Variants in CYB5R2 observed in about 807,000 individuals in gnomAD.
CYB5R2 encodes the protein cytochrome b5 reductase 2.
A neutral mutation model predicts 29.8 loss-of-function variants in CYB5R2; 35 were observed. The ratio of observed to expected loss-of-function variants is 1.17; its 90% CI spans 0.90 to 1.56. The LOEUF (loss-of-function observed/expected upper bound fraction) is 1.56, where lower values mean the gene tolerates loss of function less well. Among genes scored for constraint, CYB5R2 ranks in the 40% most tolerant of loss-of-function variants. The pLI is 0.00. For missense variants in CYB5R2, 419 were observed against 346.7 expected (o/e 1.21, Z -1.66); for synonymous variants, 169 against 130.6 (o/e 1.29, Z -2.01).
upstream of CYB5R2, chr11:7,673,552 C>T (rs894652749): frequency 1.3e-5 from 13 of 985,180 alleles, no homozygotes; most frequent in East Asian, 1.1e-4. Flanking sequence ...TTCGCGGTCC[C>T]GCCCACGACC....
chr11:7,670,712 T>C (rs113868354), intron 3 of CYB5R2: 7 of 152,220 alleles, frequency 4.6e-5, no homozygotes, highest in African/African-American at 1.4e-4. Context: ...CACTGTCAGA[T>C]GACACACTGG....
Position 7,672,930 on chromosome 11 carries a change from C to G in CYB5R2, c.-66-39G>C, listed in dbSNP as rs552870896. On this transcript the variant is annotated intron_variant, in intron 1 of 8. Coordinates refer to ENST00000299498, the MANE Select transcript of CYB5R2 (RefSeq NM_016229.5). Reference sequence around the variant, plus strand: ...TGTGAACAGAGCACCTCAGGTCTTGCCCGCCCTGGACAGGGCAGCTCTCAG... The same window carrying G: ...TGTGAACAGAGCACCTCAGGTCTTGGCCGCCCTGGACAGGGCAGCTCTCAG... The G allele has an allele frequency of 7.6e-6, 12 of 1,579,770 alleles. No homozygotes were observed. In the South Asian group the frequency reaches 1.4e-4, roughly 18 times the overall value.
At position 7,665,516 on chromosome 11, in the gene CYB5R2, G is replaced by T. The variant is rs370147641; in HGVS notation, c.689C>A (p.Ala230Asp). The change falls in exon 9 of 9, where the codon GCC (alanine) becomes GAC (aspartate). Residue 230 changes from alanine (A) to aspartate (D), a missense_variant. By Grantham distance (126) the Ala-to-Asp change is moderately radical (BLOSUM62 -2). Transcript: ENST00000299498. ...GWKYSSGFVTADMIKEHLPPP... is the reference protein window; with the variant it reads ...GWKYSSGFVTDDMIKEHLPPP... Reference sequence around the variant, plus strand: ...AGGAAGGTGCTCCTTGATCATGTCGGCAGTAACGAAGCCTGAGCTGTACTT... The same window carrying T: ...AGGAAGGTGCTCCTTGATCATGTCGTCAGTAACGAAGCCTGAGCTGTACTT... 4 of 1,612,342 alleles carry T rather than the reference G, an allele frequency of 2.5e-6. No homozygotes were observed.
At chr11:7,672,958 G>C in intron 1 of CYB5R2, 67 bp from the exon 2 acceptor site, 1 of 1,464,464 alleles carries the variant, frequency 6.8e-7, no homozygotes, top group Non-Finnish European at 9.3e-7. Flanking sequence ...GCTCTCAGGC[G>C]CAGAACACCC....
chr11:7,665,936 G>A (rs1274753802), intron 8 of CYB5R2: 1 of 1,535,722 alleles, frequency 6.5e-7, no homozygotes, highest in East Asian at 2.4e-5. Flanking sequence ...TGCCGACCAG[G>A]GACCTGTATG....
At chr11:7,670,149 G>A (rs960949592) in intron 3 of CYB5R2, 4 of 182,548 alleles carry the variant, frequency 2.2e-5, no homozygotes, top group African/African-American at 4.8e-5. Context: ...TCAGGAGTTC[G>A]AGACCAGCCT....
chr11:7,672,282 T>C (rs1437966274), intron 3 of CYB5R2, 169 bp downstream of exon 3: 1 of 593,676 alleles, frequency 1.7e-6, no homozygotes, highest in African/African-American at 1.9e-5. Context: ...GAAAAGAAAT[T>C]TTCTGTCCCA....
At position 7,669,625 on chromosome 11, in the gene CYB5R2, C is replaced by T. The variant is rs1337054008; in HGVS notation, c.258G>A (p.Lys86=). 1.3e-6 allele frequency: 2 copies of T among 1,592,342 alleles called. No individual in the cohort carries two copies. The highest frequency in any genetic ancestry group is 2.2e-5 in the East Asian group (1 of 44,804). ...GCCAGATATGGTGGGCACTATTTAC[C>T]TTTATAATTAGGTCCACAAAGCCTC... is the stretch of plus-strand genomic sequence containing the variant. ...DDRGFVDLII[K]IYFKNVHPQY... The change falls in exon 4 of 9, where the codon AAG becomes AAA. Residue 86 remains lysine, a splice_region_variant and synonymous_variant. Transcript: ENST00000299498.
chr11:7,672,224 A>G (rs76900209), intron 3 of CYB5R2: 16,418 of 521,044 alleles, frequency 0.032, 1,176 homozygotes, highest in African/African-American at 0.2. Context: ...GTTCTTTTCA[A>G]TGCTCACTGA....
At chr11:7,668,968 G>A (rs1304138605) in intron 5 of CYB5R2, 2 of 665,218 alleles carry the variant, frequency 3.0e-6, no homozygotes. Flanking sequence ...TTGTGCTGGA[G>A]ATTTTGATAC....
rs781177307 is a variant in CYB5R2, at chr11:7,669,375, A to G, written c.259-41T>C. 5 of 1,581,650 alleles carry G rather than the reference A, an allele frequency of 3.2e-6. No homozygotes were observed. In the African/African-American group the frequency reaches 4.1e-5, roughly 13 times the overall value. ...GCACTGCTTTCACATTCCCAGACACAATGCCACAGCCACGTACAACTAGAA... is the reference window on the plus strand; with the variant it reads ...GCACTGCTTTCACATTCCCAGACACGATGCCACAGCCACGTACAACTAGAA... On this transcript the variant is annotated intron_variant, in intron 4 of 8. Coordinates refer to ENST00000299498, the MANE Select transcript of CYB5R2 (RefSeq NM_016229.5).
rs1590855537 is a variant in CYB5R2 at position 7,665,367 on chromosome 11, G to A, written c.*7C>T. ...GGACATGCAAAATTGCTGAGCACGT[G>A]GAGGTGTTAGTAGGTGAAAATCATG... On this transcript the variant is annotated 3_prime_UTR_variant, in exon 9 of 9. Coordinates refer to ENST00000299498, the MANE Select transcript of CYB5R2 (RefSeq NM_016229.5). 3 of 1,508,348 alleles carry A rather than the reference G, an allele frequency of 2.0e-6. No homozygotes were observed. The highest frequency in any genetic ancestry group is 4.8e-5 in the East Asian group (2 of 41,740). The allele number at this position is 1,508,348 out of a possible 1,614,324, so 93.4% of individuals were successfully genotyped here.
rs189488466 is a variant in CYB5R2 at position 7,666,082 on chromosome 11, G to A, written c.658+369C>T. ...TGTCCAGGTGAGGTGGGCGGTAAGG[G>A]GTGTGGTGGCCGTAAGCAGAAGGGT... On this transcript the variant is annotated intron_variant, in intron 8 of 8. Transcript: ENST00000299498. 1.0e-3 allele frequency: 684 copies of A among 653,360 alleles called. 3 individuals are homozygous for A. In the African/African-American group the frequency reaches 0.011, roughly 11 times the overall value. 40.5% of individuals were successfully genotyped at this position (653,360 alleles called of 1,614,324 possible).
chr11:7,665,864 C>A, intron 8 of CYB5R2: 1 of 1,535,982 alleles, frequency 6.5e-7, no homozygotes. Context: ...TGGAGTTGTC[C>A]GGCAGGGTGT....
upstream of CYB5R2, chr11:7,674,196 A>G (rs1273470537): frequency 3.2e-6 from 4 of 1,263,202 alleles, no homozygotes; most frequent in East Asian, 2.3e-4. Context: ...GCAGCTGCAA[A>G]GAGCGCGCGA....
In CYB5R2 at chr11:7,665,448, G is replaced by C. The variant is rs373511090; in HGVS notation, c.757C>G (p.Pro253Ala). 32 of 1,613,604 alleles carry C rather than the reference G, an allele frequency of 2.0e-5. 1 individual carries two copies. In the South Asian group the frequency reaches 2.7e-4, roughly 14 times the overall value. ...GGGTGAGCCGCCGTCTGGATTAGTGGTGGCGGGCCACACACCAGGATGAGC... is the reference window on the plus strand; with the variant it reads ...GGGTGAGCCGCCGTCTGGATTAGTGCTGGCGGGCCACACACCAGGATGAGC... The part of the protein sequence containing the change: ...STLILVCGPP[P>A]LIQTAAHPNL... Residue 253 changes from proline (P) to alanine (A), a missense_variant, in exon 9 of 9, where the codon CCA (proline) becomes GCA (alanine). Transcript: ENST00000299498.
intron 2 of CYB5R2, 32 bp downstream of exon 2, chr11:7,672,716 A>C (rs1855830260): frequency 6.2e-7 from 1 of 1,613,666 alleles, no homozygotes; most frequent in Non-Finnish European, 8.5e-7. Context: ...TCATCCACTT[A>C]CTGCCTTCCA....
At chr11:7,665,735 C>T in intron 8 of CYB5R2, 189 bp from the exon 9 acceptor site, 1 of 1,240,304 alleles carries the variant, frequency 8.1e-7, no homozygotes, top group South Asian at 1.5e-5. Flanking sequence ...GCAATCACCC[C>T]AGGTCCCAGG....
intron 6 of CYB5R2, 113 bp downstream of exon 6, chr11:7,668,362 CCTT>C: frequency 1.2e-6 from 1 of 839,566 alleles, no homozygotes; most frequent in Non-Finnish European, 2.1e-6. Flanking sequence ...ATCGTTCCCA[CCTT>C]CTACAGCTGG....
Sources: allele counts gnomAD v4.1 joint callset, GRCh38; gene constraint gnomAD v4.1.1; transcripts MANE v1.5; gene names NCBI Gene and HGNC (gene_info 2026-07-23, HGNC 2026-07-21).